The following ARNT2 variants were observed in gnomAD, a reference collection of about 807,000 sequenced individuals.
ARNT2 encodes the protein ARNT protein 2.
In ARNT2, 36 loss-of-function variants were observed where a neutral mutation model predicts 91.7. The ratio of observed to expected loss-of-function variants is 0.39; its 90% CI spans 0.30 to 0.52. The LOEUF (loss-of-function observed/expected upper bound fraction) is 0.52, where lower values mean the gene tolerates loss of function less well. Among genes scored for constraint, ARNT2 ranks in the 20% least tolerant of loss-of-function variants. ARNT2 has a pLI of 0.72. For synonymous variants in ARNT2, 365 were observed against 347.1 expected (o/e 1.05, Z -0.57); for missense variants, 775 against 939.3 (o/e 0.83, Z 2.29).
chr15:80,459,242 A>G (rs1035549927), intron 3 of ARNT2, among the ~76,000 whole-genome samples: 1 of 152,218 alleles, frequency 6.6e-6, no homozygotes, highest in African/African-American at 2.4e-5. Flanking sequence ...TTTGGTCACT[A>G]ATGACCTTGG....
intron 3 of ARNT2, among the ~76,000 whole-genome samples, chr15:80,459,934 C>G (rs1182429730): frequency 6.6e-6 from 1 of 152,216 alleles, no homozygotes; most frequent in Admixed American, 6.5e-5. Context: ...CTTCTCAGCA[C>G]TGGGAGAGAC....
At position 80,580,424 on chromosome 15, in the gene ARNT2, C is replaced by T; in HGVS notation, c.1627C>T (p.His543Tyr). 6.2e-7 allele frequency: 1 copy of T among 1,614,162 alleles called. No homozygotes were observed. The highest frequency in any genetic ancestry group is 8.5e-7 in the Non-Finnish European group (1 of 1,180,032). Residue 543 changes from histidine (H) to tyrosine (Y), a missense_variant, in exon 16 of 19, where the codon CAT (histidine) becomes TAT (tyrosine). This residue lies in a region of ARNT2 where 325 missense variants were observed against 359.9 expected (regional missense o/e 0.90). Coordinates refer to ENST00000303329, the MANE Select transcript of ARNT2 (RefSeq NM_014862.4). ...SGKAFSSSVV[H>Y]VPGVNDIQSS... ...CCTCTTTTCTAGCTCTTCAGTGGTT[C>T]ATGTGCCTGGAGTGAATGATATTCA...
chr15:80,528,150 T>C (rs1003158205), intron 8 of ARNT2, among the ~76,000 whole-genome samples: 3 of 151,890 alleles, frequency 2.0e-5, no homozygotes, highest in African/African-American at 4.8e-5. Context: ...TTATGAGAGC[T>C]GGGAGATGTG....
At chr15:80,535,728 G>GTT (rs200894550) in intron 8 of ARNT2, among the ~76,000 whole-genome samples, 17,026 of 126,906 alleles carry the variant, frequency 0.13, 1,154 homozygotes, top group Admixed American at 0.2. Flanking sequence ...CATCACACAG[G>GTT]TTTTTTTTTT....
At chr15:80,420,021 C>G (rs1295968669) in intron 1 of ARNT2, among the ~76,000 whole-genome samples, 2 of 152,130 alleles carry the variant, frequency 1.3e-5, no homozygotes, top group Non-Finnish European at 2.9e-5. Context: ...GGTCACAGCA[C>G]CCGCACCTCC....
intron 1 of ARNT2, among the ~76,000 whole-genome samples, chr15:80,437,062 C>T (rs1896098546): frequency 6.6e-6 from 1 of 152,090 alleles, no homozygotes; most frequent in Admixed American, 6.5e-5. Flanking sequence ...GTTTGCTGGT[C>T]CTTCTTCTCC....
chr15:80,527,816 C>T (rs1401063805), intron 8 of ARNT2, among the ~76,000 whole-genome samples: 1 of 152,146 alleles, frequency 6.6e-6, no homozygotes, highest in Non-Finnish European at 1.5e-5. Flanking sequence ...GAGAGAGACA[C>T]TGTGTTGAGA....
intron 8 of ARNT2, among the ~76,000 whole-genome samples, chr15:80,524,938 G>A (rs867055232): frequency 6.6e-6 from 1 of 151,598 alleles, no homozygotes; most frequent in African/African-American, 2.4e-5. Context: ...TATAAAACAT[G>A]CACTTCATGA....
intron 9 of ARNT2, among the ~76,000 whole-genome samples, chr15:80,552,052 G>A (rs1223058664): frequency 6.6e-5 from 10 of 152,142 alleles, no homozygotes; most frequent in Admixed American, 6.5e-4. Context: ...AGGACATTGA[G>A]GGTCTTCCCC....
chr15:80,474,916 G>T, intron 4 of ARNT2, 94 bp from the exon 5 acceptor site: 1 of 1,256,136 alleles, frequency 8.0e-7, no homozygotes, highest in Non-Finnish European at 1.1e-6. Flanking sequence ...TAAATATGCA[G>T]ATAAAGGAAA....
rs1898796084 is a variant in ARNT2 at position 80,581,403 on chromosome 15, C to T, written c.1917C>T (p.Phe639=). The T allele has an allele frequency of 3.1e-6, 5 of 1,613,916 alleles. No homozygotes were observed. Among genetic ancestry groups the T allele is most frequent in the South Asian group, 1.1e-5 (1 of 91,068 alleles). The change falls in exon 17 of 19, where the codon TTC becomes TTT. Residue 639 remains phenylalanine (F), a splice_region_variant and synonymous_variant. Transcript: ENST00000303329. ...YSSLANRTPG[F]AESGQSSGQF... ...GTCTTGCCAACAGGACTCCAGGGTT[C>T]GGTAGGTGGGGAATGAGGGAGTGAG...
In ARNT2 at chr15:80,597,044, CAG is replaced by C. The variant is rs1036475456; in HGVS notation, c.*3351_*3352del. 2.9e-5 allele frequency: 13 copies of C among 454,260 alleles called. No individual in the cohort carries two copies. The highest frequency in any genetic ancestry group is 5.3e-5 in the Non-Finnish European group (12 of 228,348). 28.1% of individuals were successfully genotyped at this position (454,260 alleles called of 1,614,324 possible). Reference sequence around the variant, plus strand: ...GTTATTTCATGAGACGTGAATGTTGCAGAGAGTGGGGGGATTCTGGTTGTTAA... The same window carrying C: ...GTTATTTCATGAGACGTGAATGTTGCAGAGTGGGGGGATTCTGGTTGTTAA... On this transcript the variant is annotated 3_prime_UTR_variant, in exon 19 of 19. Transcript: ENST00000303329.
intron 5 of ARNT2, among the ~76,000 whole-genome samples, chr15:80,489,312 G>A (rs1284214579): frequency 6.6e-6 from 1 of 152,178 alleles, no homozygotes; most frequent in African/African-American, 2.4e-5. Context: ...TTTAGTAGAA[G>A]CTAATTGAGG....
chr15:80,464,311 T>G (rs1215603500), intron 3 of ARNT2, among the ~76,000 whole-genome samples: 1 of 147,908 alleles, frequency 6.8e-6, no homozygotes, highest in African/African-American at 2.5e-5. Context: ...TACATCCCGA[T>G]TGGGGGCTGG....
intron 10 of ARNT2, among the ~76,000 whole-genome samples, chr15:80,554,200 G>A (rs1489326279): frequency 6.6e-6 from 1 of 152,192 alleles, no homozygotes; most frequent in Non-Finnish European, 1.5e-5. Context: ...CTTGAGGTCA[G>A]GAGTTAGAGA....
intron 1 of ARNT2, among the ~76,000 whole-genome samples, chr15:80,412,152 G>A (rs1895688494): frequency 6.6e-6 from 1 of 152,204 alleles, no homozygotes; most frequent in African/African-American, 2.4e-5. Flanking sequence ...AGACTCTGTG[G>A]CTGCCAAGTC....
At chr15:80,486,439 A>T (rs1896974970) in intron 5 of ARNT2, among the ~76,000 whole-genome samples, 1 of 152,114 alleles carries the variant, frequency 6.6e-6, no homozygotes. Flanking sequence ...TGATCCACTC[A>T]CTCTAGTCCT....
chr15:80,491,535 A>C (rs1897055828), intron 5 of ARNT2, among the ~76,000 whole-genome samples: 1 of 152,128 alleles, frequency 6.6e-6, no homozygotes, highest in Non-Finnish European at 1.5e-5. Flanking sequence ...CAGTGAGATG[A>C]GGGGGAAACG....
chr15:80,446,012 G>A (rs1445597839), intron 1 of ARNT2, among the ~76,000 whole-genome samples: 1 of 152,122 alleles, frequency 6.6e-6, no homozygotes, highest in African/African-American at 2.4e-5. Flanking sequence ...CTGTGTGTGT[G>A]TATTTTTATT....
Sources: allele counts gnomAD v4.1 joint callset (sites outside exome capture counted in the v4.1 genomes callset), GRCh38; gene constraint gnomAD v4.1.1; regional missense constraint gnomAD v4.1.1; transcripts MANE v1.5; gene names NCBI Gene and HGNC (gene_info 2026-07-23, HGNC 2026-07-21).